The following BRIP1 variants were observed in gnomAD, a reference collection of about 807,000 sequenced individuals.
The protein encoded by BRIP1 is Fanconi anemia group J protein.
A neutral mutation model predicts 119.7 loss-of-function variants in BRIP1; 88 were observed. The observed-to-expected ratio is 0.74, with a 90% CI of 0.62 to 0.88. BRIP1 has a LOEUF of 0.88. Ranked by LOEUF, BRIP1 falls within the 40% of genes least tolerant of loss-of-function variation. BRIP1 has a pLI of 0.00. For missense variants in BRIP1, 1,259 were observed against 1,455.4 expected (o/e 0.87, Z 2.20); for synonymous variants, 443 against 496.5 (o/e 0.89, Z 1.43).
rs1376500344 is a variant in BRIP1, at chr17:61,684,590, G to C, written c.2906-450C>G. Among the ~76,000 whole-genome samples, 3 of 152,126 alleles carry C rather than the reference G, an allele frequency of 2.0e-5. 1 individual carries two copies. The highest frequency in any genetic ancestry group is 2.0e-4 in the Admixed American group (3 of 15,266). ...TTGCTCAAAGTTATAAAACTGGTTA[G>C]TAAGAAGACCAAGACTAGAAACTAG... On this transcript the variant is annotated intron_variant, in intron 19 of 19. Transcript: ENST00000259008. This position sits in a 1 kb window ranked among gnomAD's most constrained non-coding sequence, Gnocchi z 4.5.
At chr17:61,836,293 T>G (rs965622905) in intron 6 of BRIP1, among the ~76,000 whole-genome samples, 1 of 151,896 alleles carries the variant, frequency 6.6e-6, no homozygotes, top group East Asian at 1.9e-4. Context: ...TTTGTTTGTT[T>G]TTTGTAGAGA....
rs1603305699 is a variant in BRIP1, at chr17:61,748,070, C to A, written c.2098-3479G>T. On this transcript the variant is annotated intron_variant, in intron 14 of 19. Coordinates refer to ENST00000259008, the MANE Select transcript of BRIP1 (RefSeq NM_032043.3). The surrounding 1 kb of genome is among the most constrained non-coding windows in gnomAD (Gnocchi z 4.7). Reference sequence around the variant, plus strand: ...AAACATTTAAAGCAGGGGTCCCCAACCCCCAGGCCACAGAATACTGGTAGA... The same window carrying A: ...AAACATTTAAAGCAGGGGTCCCCAAACCCCAGGCCACAGAATACTGGTAGA... 6.6e-6 allele frequency among the ~76,000 whole-genome samples: 1 copy of A among 152,070 alleles called. No homozygotes were observed. Among genetic ancestry groups the A allele is most frequent in the Non-Finnish European group, 1.5e-5 (1 of 68,014 alleles).
At position 61,780,325 on chromosome 17, in the gene BRIP1, G is replaced by C; in HGVS notation, c.1871C>G (p.Ser624Trp). ...AGTAAATGTAACACCAAGTTCTGAC[G>C]AAAAGGATTTCATTGGTGATAATGT... The part of the protein sequence containing the change: ...SGTLSPMKSF[S>W]SELGVTFTIQ... The change falls in exon 13 of 20, where the codon TCG becomes TGG. Residue 624 changes from serine to tryptophan, a missense_variant. Physicochemically the swap from Ser to Trp is radical, Grantham distance 177. Coordinates refer to ENST00000259008, the MANE Select transcript of BRIP1 (RefSeq NM_032043.3). This position sits in a 1 kb window ranked among gnomAD's most constrained non-coding sequence, Gnocchi z 5.4. The C allele has an allele frequency of 1.2e-6, 2 of 1,611,012 alleles. No homozygotes were observed. The highest frequency in any genetic ancestry group is 1.7e-6 in the Non-Finnish European group (2 of 1,177,364).
rs557186455 is a variant in BRIP1 at position 61,783,657 on chromosome 17, G to A, written c.1628+613C>T. Among the ~76,000 whole-genome samples, 24 of 151,916 alleles carry A rather than the reference G, an allele frequency of 1.6e-4. No individual in the cohort carries two copies. The South Asian group carries it at 5.0e-3, about 32-fold the overall frequency. On this transcript the variant is annotated intron_variant, in intron 11 of 19. Coordinates refer to ENST00000259008, the MANE Select transcript of BRIP1 (RefSeq NM_032043.3). ...GATTGGTTGTTTTTCATTTTCCACA[G>A]TTCATACAATAAAAAAGGGACTTTC...
Position 61,753,665 on chromosome 17 carries a change from G to A in BRIP1, c.2098-9074C>T, listed in dbSNP as rs1457019095. 6.6e-6 allele frequency among the ~76,000 whole-genome samples: 1 copy of A among 150,770 alleles called. No homozygotes were observed. The highest frequency in any genetic ancestry group is 2.4e-5 in the African/African-American group (1 of 40,958). On this transcript the variant is annotated intron_variant, in intron 14 of 19. Transcript: ENST00000259008. The surrounding 1 kb of genome is among the most constrained non-coding windows in gnomAD (Gnocchi z 4.6). Reference sequence around the variant, plus strand: ...TGCTCAGGCTGAAGTGCAGTGGTGTGATCACAGCTCATTGTAGCCTCACAT... The same window carrying A: ...TGCTCAGGCTGAAGTGCAGTGGTGTAATCACAGCTCATTGTAGCCTCACAT...
Position 61,822,903 on chromosome 17 carries a change from T to C in BRIP1, c.628-14146A>G, listed in dbSNP as rs1343495612. ...TTAATGGCTAAATTAGGTCGTAAGT[T>C]TCAAGAAGGCTGAGGAACTATGGTC... On this transcript the variant is annotated intron_variant, in intron 6 of 19. Transcript: ENST00000259008. The surrounding 1 kb of genome is among the most constrained non-coding windows in gnomAD (Gnocchi z 4.4). Among the ~76,000 whole-genome samples, 1 of 152,114 alleles carries C rather than the reference T, an allele frequency of 6.6e-6. No individual in the cohort carries two copies. The highest frequency in any genetic ancestry group is 1.5e-5 in the Non-Finnish European group (1 of 68,022).
Position 61,690,303 on chromosome 17 carries a change from C to G in BRIP1, c.2575+3127G>C, listed in dbSNP as rs1431808006. 1.3e-5 allele frequency among the ~76,000 whole-genome samples: 2 copies of G among 152,106 alleles called. No individual in the cohort carries two copies. The highest frequency in any genetic ancestry group is 2.9e-5 in the Non-Finnish European group (2 of 68,004). The stretch of plus-strand genomic sequence containing the variant: ...AATACAGAATACTTTAATATAACAA[C>G]AGTGATACATAAATAATGTTTAATT... On this transcript the variant is annotated intron_variant, in intron 18 of 19. Coordinates refer to ENST00000259008, the MANE Select transcript of BRIP1 (RefSeq NM_032043.3). The surrounding 1 kb of genome is among the most constrained non-coding windows in gnomAD (Gnocchi z 5.6).
At position 61,824,520 on chromosome 17, in the gene BRIP1, C is replaced by G. The variant is rs993017916; in HGVS notation, c.628-15763G>C. On this transcript the variant is annotated intron_variant, in intron 6 of 19. Coordinates refer to ENST00000259008, the MANE Select transcript of BRIP1 (RefSeq NM_032043.3). The surrounding 1 kb of genome is among the most constrained non-coding windows in gnomAD (Gnocchi z 4.3). ...AAAAGCAAACCCCCACATATATGGT[C>G]AAATAATTTTCAGCAGCCTATCAAG... Among the ~76,000 whole-genome samples, 1 of 152,110 alleles carries G rather than the reference C, an allele frequency of 6.6e-6. No individual in the cohort carries two copies. Among genetic ancestry groups the G allele is most frequent in the African/African-American group, 2.4e-5 (1 of 41,408 alleles).
At position 61,801,338 on chromosome 17, in the gene BRIP1, T is replaced by C. The variant is rs762417690; in HGVS notation, c.1055A>G (p.Tyr352Cys). Residue 352 changes from tyrosine to cysteine, a missense_variant, in exon 8 of 20, where the codon TAT becomes TGT. By Grantham distance (194) the Tyr-to-Cys change is radical (BLOSUM62 -2). Transcript: ENST00000259008. ...SLGKKLKACPYYTARELIQDA... is the reference protein window; with the variant it reads ...SLGKKLKACPCYTARELIQDA... ...TTGTATTAGTTCTCGGGCTGTGTAA[T>C]ATGGACAGGCCTTTAGTTTCTTCCC... The C allele has an allele frequency of 1.9e-6, 3 of 1,613,964 alleles. No homozygotes were observed. Among genetic ancestry groups the C allele is most frequent in the Non-Finnish European group, 2.5e-6 (3 of 1,179,968 alleles).
chr17:61,747,922 G>A (rs1368195515), intron 14 of BRIP1, among the ~76,000 whole-genome samples: 2 of 146,180 alleles, frequency 1.4e-5, no homozygotes, highest in Non-Finnish European at 3.0e-5. Context: ...TTTTTTTGTA[G>A]GTATGGAGTC....
In BRIP1 at chr17:61,761,841, A is replaced by C. The variant is rs1603311272; in HGVS notation, c.2097+14560T>G. 6.6e-6 allele frequency among the ~76,000 whole-genome samples: 1 copy of C among 152,122 alleles called. No homozygotes were observed. The highest frequency in any genetic ancestry group is 2.4e-5 in the African/African-American group (1 of 41,444). On this transcript the variant is annotated intron_variant, in intron 14 of 19. Transcript: ENST00000259008. The surrounding 1 kb of genome is among the most constrained non-coding windows in gnomAD (Gnocchi z 6.4). ...TAAAATGTTCATATTACCCAAAGTG[A>C]CATATTGATTCAATGTAATCTCTAT... is the stretch of plus-strand genomic sequence containing the variant.
At chr17:61,728,418 C>T (rs1157054242) in intron 16 of BRIP1, among the ~76,000 whole-genome samples, 2 of 151,920 alleles carry the variant, frequency 1.3e-5, no homozygotes, top group African/African-American at 2.4e-5. Context: ...TCTCCAACTT[C>T]AGTAAAGCTA....
At chr17:61,715,860 C>T in intron 17 of BRIP1, 91 bp downstream of exon 17, 1 of 804,092 alleles carries the variant, frequency 1.2e-6, no homozygotes. Context: ...AAAATTTTAC[C>T]AAGTTTATTA....
chr17:61,842,864 T>C lies in BRIP1; in HGVS notation c.627+4237A>G, dbSNP rs1003422522. Among the ~76,000 whole-genome samples the C allele has an allele frequency of 2.8e-4, 42 of 152,280 alleles. No homozygotes were observed. Among genetic ancestry groups the C allele is most frequent in the African/African-American group, 8.7e-4 (36 of 41,572 alleles). ...ACTATTACTAACCCCATTTAACAAATAGCTAAACATAATACCAAGAGTTTA... is the reference window on the plus strand; with the variant it reads ...ACTATTACTAACCCCATTTAACAAACAGCTAAACATAATACCAAGAGTTTA... On this transcript the variant is annotated intron_variant, in intron 6 of 19. Transcript: ENST00000259008. This position sits in a 1 kb window ranked among gnomAD's most constrained non-coding sequence, Gnocchi z 5.1.
chr17:61,818,072 G>T (rs1440375185), intron 6 of BRIP1, among the ~76,000 whole-genome samples: 2 of 151,482 alleles, frequency 1.3e-5, no homozygotes, highest in Middle Eastern at 3.2e-3. Flanking sequence ...ATAAGATGGG[G>T]ACAGGTGTGA....
At position 61,799,336 on chromosome 17, in the gene BRIP1, CA is replaced by C. The variant is rs1414640393; in HGVS notation, c.1141-38del. 1.3e-6 allele frequency: 2 copies of C among 1,529,092 alleles called. No individual in the cohort carries two copies. Among genetic ancestry groups the C allele is most frequent in the Non-Finnish European group, 1.8e-6 (2 of 1,107,568 alleles). The allele number at this position is 1,529,092 out of a possible 1,614,324, so 94.7% of individuals were successfully genotyped here. On this transcript the variant is annotated intron_variant, in intron 8 of 19. Coordinates refer to ENST00000259008, the MANE Select transcript of BRIP1 (RefSeq NM_032043.3). The surrounding 1 kb of genome is among the most constrained non-coding windows in gnomAD (Gnocchi z 5.1). ...AAGAATTTTCTTGTAAAACATTTGG[CA>C]AAATAGATTTAACAACAGCAGGCAA...
chr17:61,689,847 C>CA lies in BRIP1; in HGVS notation c.2575+3582dup, dbSNP rs1043612540. Among the ~76,000 whole-genome samples, 9 of 151,684 alleles carry CA rather than the reference C, an allele frequency of 5.9e-5. No homozygotes were observed. The highest frequency in any genetic ancestry group is 1.2e-4 in the Non-Finnish European group (8 of 67,898). The stretch of plus-strand genomic sequence containing the variant: ...GCAACATAGTGAGACCCCATCTCTA[C>CA]AAAAAAAATTAAAAATTAGCCAGGT... On this transcript the variant is annotated intron_variant, in intron 18 of 19. Transcript: ENST00000259008. The surrounding 1 kb of genome is among the most constrained non-coding windows in gnomAD (Gnocchi z 4.5).
chr17:61,843,130 C>T lies in BRIP1; in HGVS notation c.627+3971G>A, dbSNP rs916523383. ...GTCAGATGTAGAAGGAAAAATACTA[C>T]ATGATCTCACTTATACGTGGAATCT... On this transcript the variant is annotated intron_variant, in intron 6 of 19. Transcript: ENST00000259008. This position sits in a 1 kb window ranked among gnomAD's most constrained non-coding sequence, Gnocchi z 5.7. Among the ~76,000 whole-genome samples the T allele has an allele frequency of 4.6e-5, 7 of 152,170 alleles. No individual in the cohort carries two copies. Among genetic ancestry groups the T allele is most frequent in the African/African-American group, 1.7e-4 (7 of 41,444 alleles).
At chr17:61,692,963 A>G (rs2061469443) in intron 18 of BRIP1, among the ~76,000 whole-genome samples, 1 of 152,202 alleles carries the variant, frequency 6.6e-6, no homozygotes. Context: ...GGGGGAAACA[A>G]CCTAAATGTC....
Sources: allele counts gnomAD v4.1 joint callset (sites outside exome capture counted in the v4.1 genomes callset), GRCh38; gene constraint gnomAD v4.1.1; non-coding constraint Gnocchi (gnomAD v3.1); transcripts MANE v1.5; gene names NCBI Gene and HGNC (gene_info 2026-07-23, HGNC 2026-07-21).